The following SDK2 variants were observed in gnomAD, a reference collection of about 807,000 sequenced individuals.
SDK2 encodes protein sidekick-2.
A neutral mutation model predicts 253.9 loss-of-function variants in SDK2; 105 were observed. That is an observed-to-expected ratio of 0.41 (90% confidence interval 0.35 to 0.49). The LOEUF (loss-of-function observed/expected upper bound fraction) is 0.49, where lower values mean the gene tolerates loss of function less well. Ranked by LOEUF, SDK2 falls within the 20% of genes least tolerant of loss-of-function variation. The pLI, the probability that SDK2 is intolerant of heterozygous loss-of-function variation, is 0.06. For missense variants in SDK2, 2,608 were observed against 3,003.0 expected (o/e 0.87, Z 3.07); for synonymous variants, 1,249 against 1,234.9 (o/e 1.01, Z -0.24).
intron 1 of SDK2, among the ~76,000 whole-genome samples, chr17:73,538,240 T>C (rs2145816195): frequency 6.6e-6 from 1 of 152,342 alleles, no homozygotes; most frequent in Non-Finnish European, 1.5e-5. Context: ...GAGGCACAGA[T>C]AGGTCAAGCA....
Position 73,511,355 on chromosome 17 carries a change from C to T in SDK2, c.65-3758G>A, listed in dbSNP as rs567253538. On this transcript the variant is annotated intron_variant, in intron 1 of 44. Transcript: ENST00000392650. The surrounding 1 kb of genome is among the most constrained non-coding windows in gnomAD (Gnocchi z 4.9). Reference sequence around the variant, plus strand: ...ATATGTGTGAGCACACACACACGCGCGAGCACGCACACGCTCTGCGCCCAG... The same window carrying T: ...ATATGTGTGAGCACACACACACGCGTGAGCACGCACACGCTCTGCGCCCAG... Among the ~76,000 whole-genome samples the T allele has an allele frequency of 2.4e-4, 37 of 152,316 alleles. No homozygotes were observed. The South Asian group carries it at 3.3e-3, about 14-fold the overall frequency.
intron 2 of SDK2, among the ~76,000 whole-genome samples, chr17:73,491,442 G>A (rs1299094194): frequency 2.7e-5 from 4 of 147,222 alleles, no homozygotes; most frequent in African/African-American, 5.0e-5. Context: ...GCACGATCAC[G>A]GCTCACTGCA....
chr17:73,369,414 C>A (rs150806167), intron 36 of SDK2, among the ~76,000 whole-genome samples: 1 of 152,210 alleles, frequency 6.6e-6, no homozygotes, highest in Non-Finnish European at 1.5e-5. Context: ...TCGGCCAAGA[C>A]GGCGGGCAGC....
Position 73,555,488 on chromosome 17 carries a change from G to A in SDK2, c.65-47891C>T, listed in dbSNP as rs564328363. 2.0e-5 allele frequency among the ~76,000 whole-genome samples: 3 copies of A among 152,356 alleles called. No homozygotes were observed. In the East Asian group the frequency reaches 5.8e-4, roughly 29 times the overall value. ...AGGATGCTGAGGCCCAGGAAAGGAA[G>A]GGGCTGGCCCAAGGTTGCTCACTGT... On this transcript the variant is annotated intron_variant, in intron 1 of 44. Transcript: ENST00000392650.
intron 28 of SDK2, 145 bp downstream of exon 28, chr17:73,391,295 G>A: frequency 2.4e-6 from 1 of 417,404 alleles, no homozygotes; most frequent in Non-Finnish European, 4.3e-6. Flanking sequence ...CTAGCAGGAG[G>A]ACTAACACCC....
chr17:73,461,641 G>C (rs2063563206), intron 3 of SDK2, among the ~76,000 whole-genome samples: 1 of 152,274 alleles, frequency 6.6e-6, no homozygotes, highest in African/African-American at 2.4e-5. Flanking sequence ...TTGGATGGAT[G>C]GGGGGATGGA....
chr17:73,408,063 TTC>T lies in SDK2; in HGVS notation c.2485-5924_2485-5923del, dbSNP rs1491462399. On this transcript the variant is annotated intron_variant, in intron 18 of 44. Transcript: ENST00000392650. ...AAATATTTCCTTTTTTTTTTTTTTT[TTC>T]TTTTGAGACAGAGTCTGGCTCTGTC... Among the ~76,000 whole-genome samples, 444 of 131,816 alleles carry T rather than the reference TTC, an allele frequency of 3.4e-3. 36 individuals carry two copies. The highest frequency in any genetic ancestry group is 0.017 in the Middle Eastern group (4 of 232). The allele number at this position is 131,816 out of a possible 152,430, so 86.5% of individuals were successfully genotyped here.
chr17:73,631,203 C>G (rs1326178854), intron 1 of SDK2, among the ~76,000 whole-genome samples: 1 of 152,212 alleles, frequency 6.6e-6, no homozygotes. Flanking sequence ...AGCTTGGAGC[C>G]CAGCTAATGA....
chr17:73,590,483 T>A (rs2045666069), intron 1 of SDK2, among the ~76,000 whole-genome samples: 1 of 152,236 alleles, frequency 6.6e-6, no homozygotes. Context: ...CCCGTCTGGC[T>A]CTGGGCTGCT....
At position 73,338,089 on chromosome 17, in the gene SDK2, G is replaced by GT; in HGVS notation, c.*497_*498insA. The GT allele has an allele frequency of 8.2e-6, 2 of 245,208 alleles. No homozygotes were observed. The highest frequency in any genetic ancestry group is 4.3e-5 in the South Asian group (1 of 23,464). The allele number at this position is 245,208 out of a possible 1,614,324, so 15.2% of individuals were successfully genotyped here. A position where few individuals can be genotyped will look rare whatever the true frequency, so the allele number is the denominator to read the frequency against. ...AGTGATGGTGCATGGAGGGAAGGAG[G>GT]AGCAGAGAGAGAAGATAGGCGTGGC... On this transcript the variant is annotated 3_prime_UTR_variant, in exon 45 of 45. Transcript: ENST00000392650. This position sits in a 1 kb window ranked among gnomAD's most constrained non-coding sequence, Gnocchi z 5.0.
intron 16 of SDK2, among the ~76,000 whole-genome samples, chr17:73,416,778 AT>A (rs2063186027): frequency 6.6e-6 from 1 of 150,922 alleles, no homozygotes; most frequent in East Asian, 2.0e-4. Context: ...TTTAGTAGAG[AT>A]GGGGTTTCAC....
chr17:73,441,234 T>C (rs2063413452), intron 5 of SDK2, among the ~76,000 whole-genome samples: 1 of 150,924 alleles, frequency 6.6e-6, no homozygotes, highest in Admixed American at 6.6e-5. Flanking sequence ...TCCATTCCCT[T>C]CAAATCCTTC....
chr17:73,354,244 C>T (rs778782899), intron 40 of SDK2, among the ~76,000 whole-genome samples: 24 of 152,238 alleles, frequency 1.6e-4, no homozygotes, highest in African/African-American at 2.2e-4. Context: ...GTTCTCCACC[C>T]TGTGCTGGCG....
At chr17:73,580,608 T>C (rs1203596503) in intron 1 of SDK2, among the ~76,000 whole-genome samples, 1 of 152,248 alleles carries the variant, frequency 6.6e-6, no homozygotes, top group Non-Finnish European at 1.5e-5. Context: ...CATCTTGAAA[T>C]TCTTAATGCC....
rs532844809 is a variant in SDK2, at chr17:73,395,274, C to T, written c.3473G>A (p.Arg1158Gln). Residue 1158 changes from arginine to glutamine, a missense_variant, in exon 25 of 45, where the codon CGG becomes CAG. Transcript: ENST00000392650. The surrounding 1 kb of genome is among the most constrained non-coding windows in gnomAD (Gnocchi z 4.3). ...LSHVVQDRVERDYTIEDLEEW... is the reference protein window; with the variant it reads ...LSHVVQDRVEQDYTIEDLEEW... The stretch of plus-strand genomic sequence containing the variant: ...CTCCAGGTCCTCGATGGTGTAGTCC[C>T]GCTCCACACGGTCCTGCACCACGTG... 30 of 1,613,902 alleles carry T rather than the reference C, an allele frequency of 1.9e-5. No homozygotes were observed. The highest frequency in any genetic ancestry group is 4.4e-5 in the South Asian group (4 of 91,076).
At chr17:73,346,384 T>G (rs1183482830) in intron 44 of SDK2, among the ~76,000 whole-genome samples, 1 of 152,138 alleles carries the variant, frequency 6.6e-6, no homozygotes, top group African/African-American at 2.4e-5. Context: ...CCATTGAGAT[T>G]TACTTGTGTG....
chr17:73,592,027 G>T (rs532997903), intron 1 of SDK2, among the ~76,000 whole-genome samples: 1 of 152,232 alleles, frequency 6.6e-6, no homozygotes, highest in African/African-American at 2.4e-5. Context: ...CCCACATGAG[G>T]GGGGAGTTGA....
intron 1 of SDK2, among the ~76,000 whole-genome samples, chr17:73,615,567 C>T (rs932660317): frequency 2.0e-5 from 3 of 152,196 alleles, no homozygotes; most frequent in Admixed American, 6.5e-5. Context: ...CCCCAAGCCC[C>T]GTCCCTCCCT....
At chr17:73,566,315 A>G (rs2045310891) in intron 1 of SDK2, among the ~76,000 whole-genome samples, 1 of 111,770 alleles carries the variant, frequency 8.9e-6, no homozygotes, top group African/African-American at 4.2e-5. Flanking sequence ...ATTCTTATAT[A>G]TATATGTGTG....
Sources: allele counts gnomAD v4.1 joint callset (sites outside exome capture counted in the v4.1 genomes callset), GRCh38; gene constraint gnomAD v4.1.1; non-coding constraint Gnocchi (gnomAD v3.1); transcripts MANE v1.5; gene names NCBI Gene and HGNC (gene_info 2026-07-23, HGNC 2026-07-21).